Variants in ARFIP1 observed in about 807,000 individuals in gnomAD.
ARFIP1 encodes arfaptin-1.
ARFIP1 carries 24 observed loss-of-function variants against 42.5 expected under a neutral mutation model. The ratio of observed to expected loss-of-function variants is 0.57; its 90% CI spans 0.41 to 0.80. The LOEUF is 0.80. Among genes scored for constraint, ARFIP1 ranks in the 30% least tolerant of loss-of-function variants. ARFIP1 has a pLI of 0.00. For synonymous variants in ARFIP1, 141 were observed against 153.7 expected, an observed-to-expected ratio of 0.92 and a Z score of 0.61; for missense variants, 354 against 434.0, an observed-to-expected ratio of 0.82 and a Z score of 1.64.
At chr4:152,799,765 C>T (rs1028782357) in intron 1 of ARFIP1, among the ~76,000 whole-genome samples, 2 of 152,228 alleles carry the variant, frequency 1.3e-5, no homozygotes, top group East Asian at 3.9e-4. Flanking sequence ...GAAGATTGTG[C>T]ATGTGTGTTC....
chr4:152,900,642 A>T, intron 8 of ARFIP1, among the ~76,000 whole-genome samples: 1 of 152,154 alleles, frequency 6.6e-6, no homozygotes, highest in South Asian at 2.1e-4. Context: ...ATAAAATTAT[A>T]CTCCACAAAC....
At chr4:152,878,960 A>T (rs1054805040) in intron 5 of ARFIP1, among the ~76,000 whole-genome samples, 3 of 152,190 alleles carry the variant, frequency 2.0e-5, no homozygotes, top group Non-Finnish European at 4.4e-5. Context: ...TGATGTATCT[A>T]TCTCCTTTAT....
chr4:152,809,287 C>T (rs1034411103), intron 1 of ARFIP1, among the ~76,000 whole-genome samples: 1 of 152,038 alleles, frequency 6.6e-6, no homozygotes, highest in Admixed American at 6.5e-5. Context: ...TCATATGGGT[C>T]CTGACTTGTA....
chr4:152,854,249 A>G (rs968193398), intron 2 of ARFIP1, among the ~76,000 whole-genome samples: 2 of 152,138 alleles, frequency 1.3e-5, no homozygotes, highest in East Asian at 1.9e-4. Flanking sequence ...GAGCTAGTCT[A>G]TTATTGAAGT....
In ARFIP1 at chr4:152,845,500, T is replaced by C. The variant is rs578140062; in HGVS notation, c.93+15774T>C. 3.9e-5 allele frequency among the ~76,000 whole-genome samples: 6 copies of C among 152,138 alleles called. No individual in the cohort carries two copies. In the South Asian group the frequency reaches 1.0e-3, roughly 26 times the overall value. On this transcript the variant is annotated intron_variant, in intron 2 of 8. Transcript: ENST00000353617. ...AGAATTTATAAGGAACTTAAACAAT[T>C]GAACAAGCAAAAAACAACCCCATTA...
rs1356431687 is a variant in ARFIP1 at position 152,872,555 on chromosome 4, C to G, written c.402C>G (p.Asn134Lys). The change falls in exon 5 of 9, where the codon AAC becomes AAG. Residue 134 changes from asparagine (N) to lysine (K), a missense_variant. Physicochemically the swap from Asn to Lys is moderately conservative, Grantham distance 94 (BLOSUM62 0). Coordinates refer to ENST00000353617, the MANE Select transcript of ARFIP1 (RefSeq NM_001025595.3). Reference sequence around the variant, plus strand: ...AACTTGTTAGAAAATGGAGTCTAAACACCTATAAGGTTTGTAATTATTTAA... The same window carrying G: ...AACTTGTTAGAAAATGGAGTCTAAAGACCTATAAGGTTTGTAATTATTTAA... Reference protein sequence around the residue: ...KLELVRKWSLNTYKCTRQIIS... With the variant: ...KLELVRKWSLKTYKCTRQIIS... 3 of 1,584,312 alleles carry G rather than the reference C, an allele frequency of 1.9e-6. No homozygotes were observed. Among genetic ancestry groups the G allele is most frequent in the South Asian group, 2.2e-5 (2 of 89,254 alleles).
chr4:152,868,789 G>A (rs1251214761), intron 3 of ARFIP1, among the ~76,000 whole-genome samples: 2 of 152,104 alleles, frequency 1.3e-5, no homozygotes, highest in Non-Finnish European at 2.9e-5. Context: ...TGTTTAAAAT[G>A]GTGATTGAAC....
chr4:152,797,981 G>A (rs1272218027), intron 1 of ARFIP1, among the ~76,000 whole-genome samples: 1 of 152,160 alleles, frequency 6.6e-6, no homozygotes, highest in Non-Finnish European at 1.5e-5. Context: ...GAAATGGCCG[G>A]GCGCGGTGGC....
chr4:152,871,656 T>C (rs1262728860), intron 4 of ARFIP1, among the ~76,000 whole-genome samples: 2 of 152,166 alleles, frequency 1.3e-5, no homozygotes, highest in Admixed American at 6.5e-5. Flanking sequence ...CATTATTCTT[T>C]TTAAATTATT....
intron 1 of ARFIP1, among the ~76,000 whole-genome samples, chr4:152,821,073 A>G (rs1730327814): frequency 6.6e-6 from 1 of 152,238 alleles, no homozygotes; most frequent in East Asian, 1.9e-4. Context: ...TTCTGGCAAT[A>G]TGAAAAAACA....
chr4:152,858,959 T>G (rs62319914), intron 2 of ARFIP1, among the ~76,000 whole-genome samples: 4,083 of 152,300 alleles, frequency 0.027, 99 homozygotes, highest in South Asian at 0.11. Flanking sequence ...AAAAAGACTT[T>G]TAGTAGGAAA....
intron 1 of ARFIP1, among the ~76,000 whole-genome samples, chr4:152,786,644 A>T (rs1333585427): frequency 1.3e-5 from 2 of 152,214 alleles, no homozygotes; most frequent in Non-Finnish European, 2.9e-5. Context: ...TTTGAAACAC[A>T]CATTGGATTA....
rs183367751 is a variant in ARFIP1 at position 152,893,893 on chromosome 4, A to G, written c.966+5586A>G. Among the ~76,000 whole-genome samples the G allele has an allele frequency of 1.1e-3, 169 of 152,274 alleles. 1 individual carries two copies. Among genetic ancestry groups the G allele is most frequent in the Non-Finnish European group, 1.9e-3 (126 of 68,018 alleles). On this transcript the variant is annotated intron_variant, in intron 8 of 8. Transcript: ENST00000353617. ...TGTTTTCACTCACAGTGTTTCATAT[A>G]TAATCACAATACAGTAACATTCCTG...
chr4:152,884,390 T>C (rs1561169199), intron 7 of ARFIP1, among the ~76,000 whole-genome samples: 2 of 152,006 alleles, frequency 1.3e-5, no homozygotes, highest in South Asian at 2.1e-4. Context: ...CTTGATCCTT[T>C]TCTAAATTTT....
intron 8 of ARFIP1, among the ~76,000 whole-genome samples, chr4:152,907,451 T>C (rs1738456653): frequency 6.6e-6 from 1 of 152,164 alleles, no homozygotes; most frequent in African/African-American, 2.4e-5. Flanking sequence ...GAAACAAATA[T>C]TATTAATACT....
chr4:152,823,265 A>G (rs895990819), intron 1 of ARFIP1, among the ~76,000 whole-genome samples: 2 of 152,192 alleles, frequency 1.3e-5, no homozygotes, highest in Non-Finnish European at 2.9e-5. Flanking sequence ...TACTGTGGAC[A>G]CCTGTTATGC....
chr4:152,786,453 C>T (rs1730814614), intron 1 of ARFIP1, among the ~76,000 whole-genome samples: 1 of 152,168 alleles, frequency 6.6e-6, no homozygotes, highest in South Asian at 2.1e-4. Flanking sequence ...ATTCCCTCTC[C>T]CTGATAGATC....
intron 2 of ARFIP1, among the ~76,000 whole-genome samples, chr4:152,835,427 C>T (rs1175460730): frequency 2.0e-5 from 3 of 152,324 alleles, no homozygotes; most frequent in African/African-American, 4.8e-5. Flanking sequence ...CAGCCAAGCT[C>T]TTTGCTAGGG....
Position 152,863,659 on chromosome 4 carries a change from A to T in ARFIP1, c.147A>T (p.Thr49=). The T allele has an allele frequency of 6.2e-7, 1 of 1,611,670 alleles. No individual in the cohort carries two copies. Among genetic ancestry groups the T allele is most frequent in the Non-Finnish European group, 8.5e-7 (1 of 1,178,032 alleles). The change falls in exon 3 of 9, where the codon ACA becomes ACT. Residue 49 remains threonine (T), a synonymous_variant. Transcript: ENST00000353617. The part of the protein sequence containing the change: ...SGLGLSETQI[T]SHGFDNTKEG... ...TTGGTCTCTCAGAAACCCAAATTAC[A>T]TCTCATGGCTTTGACAATACCAAAG...
Sources: gnomAD v4.1 joint callset for allele counts (sites outside exome capture counted in the v4.1 genomes callset) on GRCh38, gnomAD v4.1.1 for gene constraint, MANE v1.5 for transcripts, NCBI Gene and HGNC (gene_info 2026-07-23, HGNC 2026-07-21) for gene names.